Variants in FAM135B observed in about 807,000 individuals in gnomAD.
The protein encoded by FAM135B is protein FAM135B.
In FAM135B, 43 loss-of-function variants were observed where a neutral mutation model predicts 127.7. The ratio of observed to expected loss-of-function variants is 0.34; its 90% confidence interval spans 0.26 to 0.43. The LOEUF (loss-of-function observed/expected upper bound fraction) is 0.43. Ranked by LOEUF, FAM135B falls within the 20% of genes least tolerant of loss-of-function variation. The probability of loss-of-function intolerance (pLI) is 1.00; values close to 1 mark genes in which losing one functional copy is unlikely to be tolerated. For missense variants in FAM135B, 1,558 were observed against 1,725.6 expected, an observed-to-expected ratio of 0.90 and a Z score of 1.72; for synonymous variants, 670 against 665.1, an observed-to-expected ratio of 1.01 and a Z score of -0.11.
At chr8:138,447,740 T>C (rs1368426903) in intron 1 of FAM135B, among the ~76,000 whole-genome samples, 1 of 151,264 alleles carries the variant, frequency 6.6e-6, no homozygotes, top group African/African-American at 2.4e-5. Flanking sequence ...CACACCAACA[T>C]GGCACATGTA....
At chr8:138,248,479 A>C (rs1277371005) in intron 6 of FAM135B, among the ~76,000 whole-genome samples, 2 of 151,952 alleles carry the variant, frequency 1.3e-5, no homozygotes, top group Non-Finnish European at 2.9e-5. Context: ...ACTTCATCCC[A>C]TTGCACCTCC....
At chr8:138,387,397 C>T (rs1024407914) in intron 1 of FAM135B, among the ~76,000 whole-genome samples, 3 of 152,138 alleles carry the variant, frequency 2.0e-5, no homozygotes, top group Non-Finnish European at 2.9e-5. Flanking sequence ...GGAGTCCATC[C>T]AGTAGACATA....
intron 1 of FAM135B, among the ~76,000 whole-genome samples, chr8:138,403,020 G>A (rs1486782936): frequency 6.6e-6 from 1 of 152,116 alleles, no homozygotes; most frequent in Non-Finnish European, 1.5e-5. Flanking sequence ...ACTGAAGCAG[G>A]CCCTTACTAA....
intron 3 of FAM135B, among the ~76,000 whole-genome samples, chr8:138,310,457 G>T (rs57609043): frequency 2.0e-5 from 3 of 151,954 alleles, no homozygotes; most frequent in African/African-American, 7.3e-5. Flanking sequence ...AAGTGCCACC[G>T]ACACCGCCTA....
At chr8:138,411,791 C>A (rs1367421059) in intron 1 of FAM135B, among the ~76,000 whole-genome samples, 1 of 152,152 alleles carries the variant, frequency 6.6e-6, no homozygotes, top group Non-Finnish European at 1.5e-5. Flanking sequence ...CAGTACTATT[C>A]ATAATAACAA....
chr8:138,433,566 T>TAAATAAATAAAA (rs1408156625), intron 1 of FAM135B, among the ~76,000 whole-genome samples: 8 of 145,856 alleles, frequency 5.5e-5, no homozygotes, highest in Non-Finnish European at 9.1e-5. Flanking sequence ...AATAAATAAA[T>TAAATAAATAAAA]AAAATAATTT....
At chr8:138,296,394 G>T (rs1825483396) in intron 3 of FAM135B, among the ~76,000 whole-genome samples, 1 of 152,176 alleles carries the variant, frequency 6.6e-6, no homozygotes, top group African/African-American at 2.4e-5. Flanking sequence ...CCGGTGCTGG[G>T]CTGTTTATGC....
intron 3 of FAM135B, among the ~76,000 whole-genome samples, chr8:138,292,421 T>C (rs1357915760): frequency 6.6e-6 from 1 of 152,016 alleles, no homozygotes; most frequent in Non-Finnish European, 1.5e-5. Context: ...AGAACTAAAC[T>C]TCATATGACA....
At chr8:138,317,066 C>A (rs143936052) in intron 2 of FAM135B, among the ~76,000 whole-genome samples, 1 of 151,666 alleles carries the variant, frequency 6.6e-6, no homozygotes, top group Non-Finnish European at 1.5e-5. Flanking sequence ...TAAAAACTTA[C>A]TTATGCAAGA....
At chr8:138,283,933 G>T (rs555520299) in intron 3 of FAM135B, among the ~76,000 whole-genome samples, 1 of 152,040 alleles carries the variant, frequency 6.6e-6, no homozygotes, top group Non-Finnish European at 1.5e-5. Context: ...AAGGTAGCTT[G>T]TGACAGGGAG....
chr8:138,326,742 CTAA>C (rs1163619483), intron 2 of FAM135B, among the ~76,000 whole-genome samples: 1 of 152,138 alleles, frequency 6.6e-6, no homozygotes, highest in Non-Finnish European at 1.5e-5. Context: ...TTGCAGTTTA[CTAA>C]TGGTGCATGA....
intron 1 of FAM135B, among the ~76,000 whole-genome samples, chr8:138,492,915 A>G (rs1039329551): frequency 6.6e-6 from 1 of 152,080 alleles, no homozygotes; most frequent in African/African-American, 2.4e-5. Flanking sequence ...TAAGCTCTTG[A>G]AAGGCAAGGA....
At chr8:138,270,422 T>C (rs900179674) in intron 3 of FAM135B, among the ~76,000 whole-genome samples, 2 of 152,160 alleles carry the variant, frequency 1.3e-5, no homozygotes, top group Non-Finnish European at 2.9e-5. Flanking sequence ...CAGGGCTTCA[T>C]GGGTAGAAGG....
intron 3 of FAM135B, among the ~76,000 whole-genome samples, chr8:138,269,956 AT>A (rs1172096785): frequency 1.5e-4 from 23 of 152,046 alleles, no homozygotes; most frequent in Admixed American, 1.5e-3. Context: ...GCCAAACTTT[AT>A]TTTTTTTCCA....
At chr8:138,189,212 C>T (rs896362617) in intron 9 of FAM135B, among the ~76,000 whole-genome samples, 3 of 152,162 alleles carry the variant, frequency 2.0e-5, no homozygotes, top group Admixed American at 6.5e-5. Context: ...AGCGTTGCTT[C>T]GCAGAGGCAT....
intron 1 of FAM135B, among the ~76,000 whole-genome samples, chr8:138,449,060 C>T (rs1239622929): frequency 1.3e-5 from 2 of 152,106 alleles, no homozygotes; most frequent in Non-Finnish European, 2.9e-5. Context: ...AATATGTTTA[C>T]TATAAATAAA....
intron 2 of FAM135B, among the ~76,000 whole-genome samples, chr8:138,364,972 A>C (rs1338155239): frequency 6.6e-6 from 1 of 152,012 alleles, no homozygotes; most frequent in Non-Finnish European, 1.5e-5. Context: ...TAGGCCTCCC[A>C]AGTAGCTGAA....
intron 3 of FAM135B, among the ~76,000 whole-genome samples, chr8:138,294,996 G>T (rs1825372842): frequency 6.6e-6 from 1 of 151,684 alleles, no homozygotes; most frequent in Non-Finnish European, 1.5e-5. Flanking sequence ...ATAATCTTCA[G>T]AGTCTGTTCT....
In FAM135B at chr8:138,153,278, C is replaced by T. The variant is rs187542939; in HGVS notation, c.1259-62G>A. 5,189 of 1,321,484 alleles carry T rather than the reference C, an allele frequency of 3.9e-3. 15 individuals carry two copies. Among genetic ancestry groups the T allele is most frequent in the Middle Eastern group, 9.9e-3 (36 of 3,640 alleles). The allele number at this position is 1,321,484 out of a possible 1,614,324, so 81.9% of individuals were successfully genotyped here. ...TAAGAATCTGTGTTTACAAGTTATC[C>T]AAATGTCTAACTGTATAATAAAGAA... On this transcript the variant is annotated intron_variant, in intron 12 of 19. Transcript: ENST00000395297.
Sources: gnomAD v4.1 joint callset for allele counts (sites outside exome capture counted in the v4.1 genomes callset) on GRCh38, gnomAD v4.1.1 for gene constraint, MANE v1.5 for transcripts, NCBI Gene and HGNC (gene_info 2026-07-23, HGNC 2026-07-21) for gene names.